ARHGAP6: variants seen among roughly 807,000 people sequenced by gnomAD.
The protein encoded by ARHGAP6 is Rho GTPase activating protein 6.
ARHGAP6 carries 16 observed loss-of-function variants against 55.7 expected under a neutral mutation model. That is an observed-to-expected ratio of 0.29 (90% CI 0.19 to 0.44). The LOEUF is 0.44. Among genes scored for constraint, ARHGAP6 ranks in the 20% least tolerant of loss-of-function variants. The probability of loss-of-function intolerance (pLI) is 1.00; values close to 1 mark genes in which losing one functional copy is unlikely to be tolerated. For synonymous variants in ARHGAP6, 382 were observed against 360.9 expected (o/e 1.06, Z -0.66); for missense variants, 698 against 808.9 (o/e 0.86, Z 1.66).
chrX:11,314,147 A>C (rs1170035866), intron 1 of ARHGAP6, among the ~76,000 whole-genome samples: 2 of 112,731 alleles, frequency 1.8e-5, no homozygotes, highest in Non-Finnish European at 3.7e-5. Context: ...ATTGTTAAAA[A>C]TACTAGTTGA....
chrX:11,539,983 C>CGGT (rs756327410), intron 1 of ARHGAP6, among the ~76,000 whole-genome samples: 4 of 111,100 alleles, frequency 3.6e-5, no homozygotes, highest in African/African-American at 1.3e-4. Context: ...AGGCTGGGTA[C>CGGT]GGTGGCTCAT....
intron 1 of ARHGAP6, among the ~76,000 whole-genome samples, chrX:11,595,899 G>A (rs148162636): frequency 0.18 from 20,028 of 111,081 alleles, 1,487 homozygotes; most frequent in African/African-American, 0.25. Flanking sequence ...TTAGAATGGC[G>A]ATCATTGAAA....
At chrX:11,503,388 G>A (rs749701120) in intron 1 of ARHGAP6, among the ~76,000 whole-genome samples, 23 of 111,718 alleles carry the variant, frequency 2.1e-4, no homozygotes, top group Non-Finnish European at 3.4e-4. Flanking sequence ...TCGACTGTGT[G>A]TATTAATTCA....
chrX:11,246,205 A>AATG (rs966797543), intron 2 of ARHGAP6, among the ~76,000 whole-genome samples: 1 of 111,016 alleles, frequency 9.0e-6, no homozygotes, highest in Non-Finnish European at 1.9e-5. Context: ...CAAAAATGAC[A>AATG]ATGATGATGA....
At chrX:11,220,168 T>A (rs1310695968) in intron 2 of ARHGAP6, among the ~76,000 whole-genome samples, 1 of 110,131 alleles carries the variant, frequency 9.1e-6, no homozygotes, top group Non-Finnish European at 1.9e-5. Context: ...TTGCTTGTTT[T>A]TCTCAGGTTT....
At chrX:11,152,424 C>G (rs905936714) in intron 10 of ARHGAP6, among the ~76,000 whole-genome samples, 2 of 111,927 alleles carry the variant, frequency 1.8e-5, no homozygotes, top group African/African-American at 6.5e-5. Flanking sequence ...TCTATTGTCA[C>G]TGCTTCTTGA....
At chrX:11,330,255 A>G (rs1197412099) in intron 1 of ARHGAP6, among the ~76,000 whole-genome samples, 1 of 112,635 alleles carries the variant, frequency 8.9e-6, no homozygotes, top group Non-Finnish European at 1.9e-5. Context: ...GAATATAGCT[A>G]ATAACTGAGT....
chrX:11,362,035 G>T (rs1002846850), intron 1 of ARHGAP6, among the ~76,000 whole-genome samples: 1 of 111,730 alleles, frequency 9.0e-6, no homozygotes, highest in Non-Finnish European at 1.9e-5. Context: ...GGAGAAATAG[G>T]AACACTTTTA....
intron 1 of ARHGAP6, among the ~76,000 whole-genome samples, chrX:11,275,642 TC>T (rs1414271209): frequency 8.9e-6 from 1 of 111,809 alleles, no homozygotes; most frequent in Non-Finnish European, 1.9e-5. Context: ...TCATTGAGGC[TC>T]CTAGCTTTCC....
intron 1 of ARHGAP6, among the ~76,000 whole-genome samples, chrX:11,400,034 G>A: frequency 8.9e-6 from 1 of 111,832 alleles, no homozygotes; most frequent in Non-Finnish European, 1.9e-5. Context: ...AATCTATGGG[G>A]ACAGAAAGTA....
At position 11,511,941 on chromosome X, in the gene ARHGAP6, C is replaced by A. The variant is rs1485569111; in HGVS notation, c.588+152300G>T. Among the ~76,000 whole-genome samples, 4 of 111,534 alleles carry A rather than the reference C, an allele frequency of 3.6e-5. No individual in the cohort carries two copies. In the South Asian group the frequency reaches 1.2e-3, roughly 32 times the overall value. The stretch of plus-strand genomic sequence containing the variant: ...TCCCGGGTTCACACCATTCTCCTGC[C>A]TCAGCCTCCTGAGTAGCTGGGACTA... On this transcript the variant is annotated intron_variant, in intron 1 of 12. Coordinates refer to ENST00000337414, the MANE Select transcript of ARHGAP6 (RefSeq NM_013427.3).
At chrX:11,425,787 G>A (rs1214510268) in intron 1 of ARHGAP6, among the ~76,000 whole-genome samples, 2 of 111,852 alleles carry the variant, frequency 1.8e-5, no homozygotes, top group African/African-American at 6.5e-5. Flanking sequence ...ACCATTCATT[G>A]AATGAATAGA....
chrX:11,356,530 G>A (rs764139263), intron 1 of ARHGAP6, among the ~76,000 whole-genome samples: 1 of 112,069 alleles, frequency 8.9e-6, no homozygotes, highest in South Asian at 3.7e-4. Flanking sequence ...AACCTAAGTT[G>A]AAGTACTTTG....
chrX:11,149,945 T>G (rs2147275802), intron 10 of ARHGAP6, among the ~76,000 whole-genome samples: 1 of 112,110 alleles, frequency 8.9e-6, no homozygotes, highest in South Asian at 3.7e-4. Flanking sequence ...TTTTTAAAAT[T>G]AATTTTAGTT....
At chrX:11,193,615 C>A (rs1022700123) in intron 3 of ARHGAP6, among the ~76,000 whole-genome samples, 8 of 112,215 alleles carry the variant, frequency 7.1e-5, no homozygotes, top group African/African-American at 2.6e-4. Flanking sequence ...ATATTTCTCC[C>A]CTTAGTTGGG....
At chrX:11,469,130 A>G (rs1254537433) in intron 1 of ARHGAP6, among the ~76,000 whole-genome samples, 1 of 112,814 alleles carries the variant, frequency 8.9e-6, no homozygotes, top group African/African-American at 3.2e-5. Flanking sequence ...CACCCAGTCT[A>G]TGGCATTTGC....
At chrX:11,473,511 G>C (rs1302147258) in intron 1 of ARHGAP6, among the ~76,000 whole-genome samples, 1 of 111,576 alleles carries the variant, frequency 9.0e-6, no homozygotes, top group Non-Finnish European at 1.9e-5. Flanking sequence ...AGCACACACA[G>C]GAAAGAAGTC....
At chrX:11,286,763 G>A (rs1201127910) in intron 1 of ARHGAP6, among the ~76,000 whole-genome samples, 1 of 112,198 alleles carries the variant, frequency 8.9e-6, no homozygotes, top group Non-Finnish European at 1.9e-5. Context: ...AATGCCAAGA[G>A]TGCTAACACC....
At chrX:11,278,555 T>C (rs1301143969) in intron 1 of ARHGAP6, among the ~76,000 whole-genome samples, 1 of 111,922 alleles carries the variant, frequency 8.9e-6, no homozygotes, top group East Asian at 2.8e-4. Flanking sequence ...AGATAATAAA[T>C]GTGTATTGTT....
Sources: allele counts gnomAD v4.1 joint callset (sites outside exome capture counted in the v4.1 genomes callset), GRCh38; gene constraint gnomAD v4.1.1; transcripts MANE v1.5; gene names NCBI Gene and HGNC (gene_info 2026-07-23, HGNC 2026-07-21).